The following ERCC8 variants were observed in gnomAD, a reference collection of about 807,000 sequenced individuals.
ERCC8 encodes ERCC excision repair 8, CSA ubiquitin ligase complex subunit.
In ERCC8, 52 loss-of-function variants were observed where a neutral mutation model predicts 54.9. The ratio of observed to expected loss-of-function variants is 0.95; its 90% confidence interval spans 0.76 to 1.19. The LOEUF is 1.19. ERCC8 is among the 50% of genes most tolerant of loss of function. ERCC8 has a pLI of 0.00. For missense variants in ERCC8, 514 were observed against 466.1 expected, an observed-to-expected ratio of 1.10 and a Z score of -0.95; for synonymous variants, 146 against 157.2, an observed-to-expected ratio of 0.93 and a Z score of 0.53.
intron 3 of ERCC8, 31 bp downstream of exon 3, chr5:60,922,023 A>T: frequency 1.4e-6 from 2 of 1,479,616 alleles, no homozygotes; most frequent in Non-Finnish European, 1.9e-6. Context: ...CTATTTACAA[A>T]TTCATAAATT....
At chr5:60,877,260 C>A (rs1023476646) in intron 11 of ERCC8, among the ~76,000 whole-genome samples, 1 of 152,264 alleles carries the variant, frequency 6.6e-6, no homozygotes, top group African/African-American at 2.4e-5. Flanking sequence ...GGTACCAGTA[C>A]CGTGCTGTTT....
chr5:60,934,043 C>T (rs1457896619), intron 1 of ERCC8, among the ~76,000 whole-genome samples: 2 of 152,212 alleles, frequency 1.3e-5, no homozygotes, highest in African/African-American at 4.8e-5. Flanking sequence ...CTGTTATAAA[C>T]ATGCATGTGT....
In ERCC8 at chr5:60,866,459, C is replaced by T. The variant is rs912936698; in HGVS notation, c.*8156G>A. 2.6e-5 allele frequency: 4 copies of T among 151,982 alleles called. No homozygotes were observed. Among genetic ancestry groups the T allele is most frequent in the Non-Finnish European group, 4.4e-5 (3 of 67,958 alleles). The allele number at this position is 151,982 out of a possible 1,614,324, so 9.4% of individuals were successfully genotyped here. On this transcript the variant is annotated 3_prime_UTR_variant, in exon 12 of 12. Transcript: ENST00000676185. ...AAAAAGTTCTATTGGCTGAGTGATTCTTATATTTCAGAACTTTATTTCATT... is the reference window on the plus strand; with the variant it reads ...AAAAAGTTCTATTGGCTGAGTGATTTTTATATTTCAGAACTTTATTTCATT...
At position 60,873,852 on chromosome 5, in the gene ERCC8, T is replaced by G. The variant is rs886060717; in HGVS notation, c.*763A>C. 2.0e-5 allele frequency: 3 copies of G among 152,156 alleles called. No homozygotes were observed. Among genetic ancestry groups the G allele is most frequent in the Admixed American group, 6.5e-5 (1 of 15,268 alleles). 9.4% of individuals were successfully genotyped at this position (152,156 alleles called of 1,614,324 possible). A position where few individuals can be genotyped will look rare whatever the true frequency, so the allele number is the denominator to read the frequency against. ...AGACGGAGACAATAACATAGAAATT[T>G]TATTACAGCATTTCATGTTTAAGCC... On this transcript the variant is annotated 3_prime_UTR_variant, in exon 12 of 12. Coordinates refer to ENST00000676185, the MANE Select transcript of ERCC8 (RefSeq NM_000082.4).
intron 7 of ERCC8, among the ~76,000 whole-genome samples, 160 bp from the exon 8 acceptor site, chr5:60,899,887 C>T (rs1486568177): frequency 2.0e-5 from 3 of 151,094 alleles, no homozygotes; most frequent in Non-Finnish European, 4.4e-5. Context: ...AGCAAATATT[C>T]AATAGTCAAC....
At chr5:60,888,158 A>C (rs1196774084) in intron 10 of ERCC8, among the ~76,000 whole-genome samples, 1 of 152,198 alleles carries the variant, frequency 6.6e-6, no homozygotes, top group Non-Finnish European at 1.5e-5. Flanking sequence ...CTGCTGTTTA[A>C]TACAATTTAT....
intron 9 of ERCC8, among the ~76,000 whole-genome samples, chr5:60,896,112 A>G (rs377651161): frequency 1.3e-5 from 2 of 149,526 alleles, no homozygotes; most frequent in African/African-American, 5.0e-5. Context: ...TCAGCCCCCA[A>G]ATAGCTGGAA....
chr5:60,906,070 G>C (rs1749061145), intron 4 of ERCC8, among the ~76,000 whole-genome samples: 5 of 152,130 alleles, frequency 3.3e-5, no homozygotes, highest in Admixed American at 3.3e-4. Flanking sequence ...CCAATCTCAG[G>C]TTCTACAGTT....
At position 60,869,325 on chromosome 5, in the gene ERCC8, T is replaced by A. The variant is rs1274992507; in HGVS notation, c.*5290A>T. Among the ~76,000 whole-genome samples the A allele has an allele frequency of 2.6e-5, 4 of 152,182 alleles. No individual in the cohort carries two copies. The highest frequency in any genetic ancestry group is 7.2e-5 in the African/African-American group (3 of 41,446). ...ATAGTGATTTTGCTTTGAAAAATAA[T>A]TGAGATTAGTTTGCTGATGCAATAT... On this transcript the variant is annotated 3_prime_UTR_variant, in exon 12 of 12. Coordinates refer to ENST00000676185, the MANE Select transcript of ERCC8 (RefSeq NM_000082.4).
intron 1 of ERCC8, among the ~76,000 whole-genome samples, chr5:60,930,783 C>G (rs539473272): frequency 3.3e-5 from 5 of 152,060 alleles, no homozygotes; most frequent in Admixed American, 1.3e-4. Context: ...AATGAGTTAT[C>G]TGACTTTGAT....
rs1445017342 is a variant in ERCC8 at position 60,902,508 on chromosome 5, C to G, written c.551G>C (p.Gly184Ala). ...KSGSCSHILQ[G>A]HRQEILAVSW... ...AACTGCTAATATTTCTTGTCTGTGA[C>G]CTGCAAATACAACTATATGAAAAGT... is the stretch of plus-strand genomic sequence containing the variant. Residue 184 changes from glycine (G) to alanine (A), a missense_variant and splice_region_variant, in exon 7 of 12, where the codon GGT becomes GCT. Transcript: ENST00000676185. 3 of 1,609,824 alleles carry G rather than the reference C, an allele frequency of 1.9e-6. No homozygotes were observed. Among genetic ancestry groups the G allele is most frequent in the Non-Finnish European group, 2.5e-6 (3 of 1,176,562 alleles).
At chr5:60,926,390 A>G (rs1038908857) in intron 2 of ERCC8, among the ~76,000 whole-genome samples, 2 of 152,218 alleles carry the variant, frequency 1.3e-5, no homozygotes, top group African/African-American at 4.8e-5. Flanking sequence ...CAAGATCCTT[A>G]TCTTGTGACC....
At chr5:60,875,075 C>A in intron 11 of ERCC8, among the ~76,000 whole-genome samples, 1 of 152,160 alleles carries the variant, frequency 6.6e-6, no homozygotes. Context: ...TACAGTCTGA[C>A]CTGACAGCCC....
intron 5 of ERCC8, 29 bp downstream of exon 5, chr5:60,904,763 T>A (rs1211803152): frequency 6.9e-7 from 1 of 1,447,766 alleles, no homozygotes; most frequent in African/African-American, 1.4e-5. Context: ...TTTCAGTATG[T>A]CAAAAGACAA....
rs562825383 is a variant in ERCC8 at position 60,876,586 on chromosome 5, A to G, written c.1123-1903T>C. ...TGATCACCATTCTAACTGGTGTGAG[A>G]TGGTATCTCATTGTGGTTTTGATTT... On this transcript the variant is annotated intron_variant, in intron 11 of 11. Coordinates refer to ENST00000676185, the MANE Select transcript of ERCC8 (RefSeq NM_000082.4). 7.0e-4 allele frequency among the ~76,000 whole-genome samples: 106 copies of G among 152,212 alleles called. 1 individual carries two copies. Among genetic ancestry groups the G allele is most frequent in the African/African-American group, 2.5e-3 (104 of 41,530 alleles).
At position 60,899,615 on chromosome 5, in the gene ERCC8, G is replaced by T; in HGVS notation, c.718+12C>A. ...CTATCATTGTCATATTTATTAATGC[G>T]TTCTTCCTTACCTGATTCAACAGCT... On this transcript the variant is annotated intron_variant, in intron 8 of 11. Transcript: ENST00000676185. 1 of 1,569,368 alleles carries T rather than the reference G, an allele frequency of 6.4e-7. No homozygotes were observed.
intron 11 of ERCC8, among the ~76,000 whole-genome samples, chr5:60,879,893 T>A (rs1426361187): frequency 2.6e-5 from 4 of 152,230 alleles, no homozygotes; most frequent in Non-Finnish European, 4.4e-5. Context: ...TATGTGTGAA[T>A]TTGATCCTGT....
At chr5:60,893,116 C>A in intron 9 of ERCC8, 1 of 778,952 alleles carries the variant, frequency 1.3e-6, no homozygotes, top group Non-Finnish European at 2.3e-6. Flanking sequence ...TTGCCTTCTG[C>A]CCATAGGATA....
chr5:60,892,985 C>T (rs1748611122), intron 9 of ERCC8: 1 of 772,858 alleles, frequency 1.3e-6, no homozygotes, highest in Non-Finnish European at 2.4e-6. Flanking sequence ...CAAAGCTGAC[C>T]TGATGCTGGG....
Sources: gnomAD v4.1 joint callset for allele counts (sites outside exome capture counted in the v4.1 genomes callset) on GRCh38, gnomAD v4.1.1 for gene constraint, MANE v1.5 for transcripts, NCBI Gene and HGNC (gene_info 2026-07-23, HGNC 2026-07-21) for gene names.